ADGRL3: variants seen among roughly 807,000 people sequenced by gnomAD.
ADGRL3 encodes adhesion G protein-coupled receptor L3.
ADGRL3 carries 62 observed loss-of-function variants against 153.5 expected under a neutral mutation model. That is an observed-to-expected ratio of 0.40 (90% CI 0.33 to 0.50). The LOEUF (loss-of-function observed/expected upper bound fraction) is 0.50. Among genes scored for constraint, ADGRL3 ranks in the 20% least tolerant of loss-of-function variants. The pLI, the probability that ADGRL3 is intolerant of heterozygous loss-of-function variation, is 0.47. For synonymous variants in ADGRL3, 710 were observed against 672.5 expected (o/e 1.06, Z -0.86); for missense variants, 1,641 against 1,859.4 (o/e 0.88, Z 2.16).
At position 61,587,458 on chromosome 4, in the gene ADGRL3, T is replaced by G; in HGVS notation, c.473+18T>G. The G allele has an allele frequency of 6.4e-7, 1 of 1,555,464 alleles. No individual in the cohort carries two copies. Among genetic ancestry groups the G allele is most frequent in the Non-Finnish European group, 8.8e-7 (1 of 1,130,632 alleles). ...TCTCAAAGGTATGATACTTCTAATATTCTTTTCTTTGTGCACAATATAAAC... is the reference window on the plus strand; with the variant it reads ...TCTCAAAGGTATGATACTTCTAATAGTCTTTTCTTTGTGCACAATATAAAC... On this transcript the variant is annotated intron_variant, in intron 5 of 26. Coordinates refer to ENST00000683033, the MANE Select transcript of ADGRL3 (RefSeq NM_001387552.1).
intron 2 of ADGRL3, among the ~76,000 whole-genome samples, chr4:61,409,414 T>TA (rs2097056204): frequency 6.9e-6 from 1 of 144,252 alleles, no homozygotes; most frequent in South Asian, 2.1e-4. Flanking sequence ...AATATATATA[T>TA]ATATATTATA....
At chr4:61,312,372 T>G (rs2095047559) in intron 1 of ADGRL3, among the ~76,000 whole-genome samples, 1 of 152,166 alleles carries the variant, frequency 6.6e-6, no homozygotes, top group African/African-American at 2.4e-5. Context: ...TGACAAAGAC[T>G]TTTTATACAC....
intron 4 of ADGRL3, among the ~76,000 whole-genome samples, chr4:61,536,377 C>T (rs1451037701): frequency 6.6e-6 from 1 of 152,038 alleles, no homozygotes. Flanking sequence ...GTAGAGTGTT[C>T]TGTAGATATC....
At chr4:61,819,962 G>A (rs757730976) in intron 9 of ADGRL3, among the ~76,000 whole-genome samples, 32 of 152,036 alleles carry the variant, frequency 2.1e-4, no homozygotes, top group Non-Finnish European at 3.4e-4. Flanking sequence ...AATCATTTTA[G>A]TTTTAATCCA....
intron 19 of ADGRL3, among the ~76,000 whole-genome samples, chr4:61,993,235 T>A (rs1193047031): frequency 2.0e-5 from 3 of 149,914 alleles, no homozygotes; most frequent in Non-Finnish European, 4.4e-5. Flanking sequence ...CATGTTTTGG[T>A]TTTGTCCTTC....
At chr4:62,006,032 A>ATATATATAT (rs1203029363) in intron 21 of ADGRL3, among the ~76,000 whole-genome samples, 21 of 73,084 alleles carry the variant, frequency 2.9e-4, no homozygotes, top group East Asian at 2.4e-3. Flanking sequence ...ATATATATAT[A>ATATATATAT]TTTTTTTTTT....
chr4:61,403,486 G>A (rs1490764709), intron 2 of ADGRL3, among the ~76,000 whole-genome samples: 2 of 152,002 alleles, frequency 1.3e-5, no homozygotes, highest in African/African-American at 4.8e-5. Flanking sequence ...GTGCTGGGAG[G>A]CCATTGCACT....
chr4:61,929,415 T>C (rs1191713971), intron 13 of ADGRL3, among the ~76,000 whole-genome samples: 5 of 152,194 alleles, frequency 3.3e-5, no homozygotes, highest in Non-Finnish European at 7.3e-5. Flanking sequence ...CCCACTGGGG[T>C]ATTGATTCTC....
intron 1 of ADGRL3, among the ~76,000 whole-genome samples, chr4:61,254,463 A>G (rs2091770419): frequency 6.6e-6 from 1 of 152,198 alleles, no homozygotes; most frequent in Non-Finnish European, 1.5e-5. Context: ...AGAGATAAAT[A>G]AATAAGAATG....
rs542326456 is a variant in ADGRL3, at chr4:61,480,732, G to A, written c.-173-16389G>A. On this transcript the variant is annotated intron_variant, in intron 2 of 26. Transcript: ENST00000683033. The stretch of plus-strand genomic sequence containing the variant: ...CAGGAGGCAGAGGTTGCCATGAGCC[G>A]AGATCATGCCACTGCACTCCAGCCT... Among the ~76,000 whole-genome samples the A allele has an allele frequency of 2.4e-4, 36 of 152,126 alleles. No individual in the cohort carries two copies. The South Asian group carries it at 4.1e-3, about 18-fold the overall frequency.
chr4:61,561,520 G>A (rs901623190), intron 4 of ADGRL3, among the ~76,000 whole-genome samples: 10 of 151,880 alleles, frequency 6.6e-5, no homozygotes, highest in African/African-American at 2.4e-4. Flanking sequence ...TCAGGGGGCT[G>A]GGGAAGAGGA....
chr4:61,966,156 G>T (rs535900318), intron 17 of ADGRL3, among the ~76,000 whole-genome samples: 2 of 152,206 alleles, frequency 1.3e-5, no homozygotes, highest in African/African-American at 4.8e-5. Context: ...AATGACATGG[G>T]TGTGCGTATG....
intron 5 of ADGRL3, among the ~76,000 whole-genome samples, chr4:61,621,932 T>G (rs913933662): frequency 2.0e-5 from 3 of 152,184 alleles, no homozygotes; most frequent in African/African-American, 7.2e-5. Flanking sequence ...GAAATTATTG[T>G]TTTTGTCTAT....
intron 5 of ADGRL3, among the ~76,000 whole-genome samples, chr4:61,640,024 G>A (rs2093595144): frequency 6.6e-6 from 1 of 151,990 alleles, no homozygotes; most frequent in African/African-American, 2.4e-5. Flanking sequence ...AACCTGGGGA[G>A]CAGTTAAGAG....
At chr4:61,669,864 G>A (rs898507474) in intron 5 of ADGRL3, among the ~76,000 whole-genome samples, 3 of 152,098 alleles carry the variant, frequency 2.0e-5, no homozygotes, top group African/African-American at 7.2e-5. Context: ...CATTTAAAAA[G>A]TTTCTTAGCA....
intron 1 of ADGRL3, among the ~76,000 whole-genome samples, chr4:61,340,777 G>A (rs2095791804): frequency 6.6e-6 from 1 of 151,348 alleles, no homozygotes; most frequent in African/African-American, 2.4e-5. Flanking sequence ...AGAGCCAATG[G>A]ATTTTGATCT....
At chr4:61,988,004 G>T (rs2150941140) in intron 19 of ADGRL3, among the ~76,000 whole-genome samples, 1 of 152,022 alleles carries the variant, frequency 6.6e-6, no homozygotes, top group African/African-American at 2.4e-5. Flanking sequence ...AGATAAAATT[G>T]TTTCGTAGGT....
At chr4:61,908,534 G>T (rs2149798685) in intron 11 of ADGRL3, among the ~76,000 whole-genome samples, 2 of 151,452 alleles carry the variant, frequency 1.3e-5, no homozygotes, top group Admixed American at 1.3e-4. Flanking sequence ...CTTGAACTCA[G>T]GAGGCAGAGG....
chr4:61,659,325 C>T (rs2094526711), intron 5 of ADGRL3, among the ~76,000 whole-genome samples: 1 of 152,142 alleles, frequency 6.6e-6, no homozygotes. Flanking sequence ...AATAGTGACC[C>T]TTATTTTCGT....
Sources: gnomAD v4.1 joint callset for allele counts (sites outside exome capture counted in the v4.1 genomes callset) on GRCh38, gnomAD v4.1.1 for gene constraint, MANE v1.5 for transcripts, NCBI Gene and HGNC (gene_info 2026-07-23, HGNC 2026-07-21) for gene names.